KCMF1: variants seen among roughly 807,000 people sequenced by gnomAD.
KCMF1 encodes potassium channel modulatory factor 1.
KCMF1 carries 3 observed loss-of-function variants against 41.1 expected under a neutral mutation model. That is an observed-to-expected ratio of 0.07 (90% CI 0.03 to 0.19). The LOEUF is 0.19. Among genes scored for constraint, KCMF1 ranks in the 10% least tolerant of loss-of-function variants. KCMF1 has a pLI of 1.00. For synonymous variants in KCMF1, 142 were observed against 164.5 expected, an observed-to-expected ratio of 0.86 and a Z score of 1.04; for missense variants, 286 against 488.9, an observed-to-expected ratio of 0.58 and a Z score of 3.91.
At chr2:84,985,657 C>T (rs567696912) in intron 1 of KCMF1, among the ~76,000 whole-genome samples, 5 of 152,126 alleles carry the variant, frequency 3.3e-5, no homozygotes, top group East Asian at 1.9e-4. Flanking sequence ...GGTGAAACCC[C>T]GTCTCTACTA....
chr2:85,036,310 T>C lies in KCMF1; in HGVS notation c.324+1155T>C, dbSNP rs886380132. Among the ~76,000 whole-genome samples, 3 of 152,222 alleles carry C rather than the reference T, an allele frequency of 2.0e-5. No homozygotes were observed. The South Asian group carries it at 6.2e-4, about 31-fold the overall frequency. On this transcript the variant is annotated intron_variant, in intron 3 of 6. Coordinates refer to ENST00000409785, the MANE Select transcript of KCMF1 (RefSeq NM_020122.5). ...TTTATTACTATTCTTAGTTTATTCT[T>C]TTTATTCTGTAAAGTGACTTTGCTT... is the stretch of plus-strand genomic sequence containing the variant.
intron 1 of KCMF1, among the ~76,000 whole-genome samples, chr2:84,993,248 G>A (rs553602990): frequency 1.3e-5 from 2 of 151,890 alleles, no homozygotes; most frequent in South Asian, 2.1e-4. Context: ...ACCAAAGACA[G>A]TATCTTTGCT....
Position 85,054,969 on chromosome 2 carries a change from T to G in KCMF1, c.*1560T>G, listed in dbSNP as rs1480905251. ...AATGTAACCAAAAAAGAAGTCACCC[T>G]ACATGTCTGAAAAACTGTTGCTTCT... On this transcript the variant is annotated 3_prime_UTR_variant, in exon 7 of 7. Transcript: ENST00000409785. 6.6e-6 allele frequency: 1 copy of G among 152,210 alleles called. No homozygotes were observed. The highest frequency in any genetic ancestry group is 1.5e-5 in the Non-Finnish European group (1 of 68,034). The allele number at this position is 152,210 out of a possible 1,614,324, so 9.4% of individuals were successfully genotyped here. A position where few individuals can be genotyped will look rare whatever the true frequency, so the allele number is the denominator to read the frequency against.
intron 1 of KCMF1, among the ~76,000 whole-genome samples, chr2:85,026,019 C>T (rs923418300): frequency 3.3e-5 from 5 of 152,000 alleles, no homozygotes; most frequent in Non-Finnish European, 7.4e-5. Context: ...AAGACAGAGT[C>T]TCACTCTGTC....
At chr2:85,034,950 G>A (rs188394302) in intron 2 of KCMF1, 66 bp from the exon 3 acceptor site, 780 of 1,360,776 alleles carry the variant, frequency 5.7e-4, no homozygotes, top group Non-Finnish European at 6.6e-4. Flanking sequence ...TTATTGTATC[G>A]TACGATTACA....
chr2:84,988,800 C>T (rs1215297498), intron 1 of KCMF1, among the ~76,000 whole-genome samples: 1 of 152,174 alleles, frequency 6.6e-6, no homozygotes, highest in Admixed American at 6.6e-5. Flanking sequence ...AGCCATCTGA[C>T]TTTTTCTTTG....
At chr2:85,012,679 C>T (rs1458872993) in intron 1 of KCMF1, among the ~76,000 whole-genome samples, 1 of 152,200 alleles carries the variant, frequency 6.6e-6, no homozygotes, top group African/African-American at 2.4e-5. Context: ...CTAAACCAGA[C>T]ATAAACCACA....
rs1675860656 is a variant in KCMF1 at position 85,053,641 on chromosome 2, T to C, written c.*232T>C. ...GTGCAGGGGTGATCTCTGCTTCCTG[T>C]ACCTTGACATGCAAAAGGCTCTCCT... On this transcript the variant is annotated 3_prime_UTR_variant, in exon 7 of 7. Coordinates refer to ENST00000409785, the MANE Select transcript of KCMF1 (RefSeq NM_020122.5). 4.4e-6 allele frequency: 2 copies of C among 459,422 alleles called. No individual in the cohort carries two copies. The highest frequency in any genetic ancestry group is 3.9e-5 in the Admixed American group (1 of 25,906). 28.5% of individuals were successfully genotyped at this position (459,422 alleles called of 1,614,324 possible). A position where few individuals can be genotyped will look rare whatever the true frequency, so the allele number is the denominator to read the frequency against.
intron 2 of KCMF1, among the ~76,000 whole-genome samples, chr2:85,031,029 G>C (rs1675253863): frequency 6.6e-6 from 1 of 152,160 alleles, no homozygotes; most frequent in Non-Finnish European, 1.5e-5. Context: ...GTACTACACT[G>C]TCTTGATTTC....
At chr2:85,006,189 T>C (rs1402505544) in intron 1 of KCMF1, among the ~76,000 whole-genome samples, 2 of 152,048 alleles carry the variant, frequency 1.3e-5, no homozygotes, top group Non-Finnish European at 2.9e-5. Context: ...TAAAGTGTTA[T>C]ACTTATTTAT....
At chr2:85,004,992 C>T (rs956241338) in intron 1 of KCMF1, among the ~76,000 whole-genome samples, 3 of 152,032 alleles carry the variant, frequency 2.0e-5, no homozygotes, top group Middle Eastern at 3.2e-3. Context: ...CTCCAGCCTC[C>T]GCCTCCCAGG....
At chr2:85,024,050 G>A (rs1259385543) in intron 1 of KCMF1, among the ~76,000 whole-genome samples, 1 of 152,082 alleles carries the variant, frequency 6.6e-6, no homozygotes, top group Non-Finnish European at 1.5e-5. Context: ...TTTCTACTAA[G>A]CATTCATCAT....
At position 85,018,339 on chromosome 2, in the gene KCMF1, G is replaced by A. The variant is rs547812872; in HGVS notation, c.17-9550G>A. On this transcript the variant is annotated intron_variant, in intron 1 of 6. Transcript: ENST00000409785. ...AGACTGGAGTGCAGTGCGCAAACTC[G>A]GCTCACTGCAACCTCTGCCTCCCAG... is the stretch of plus-strand genomic sequence containing the variant. 4.8e-5 allele frequency among the ~76,000 whole-genome samples: 7 copies of A among 145,142 alleles called. No individual in the cohort carries two copies. In the East Asian group the frequency reaches 8.3e-4, roughly 17 times the overall value.
At chr2:85,029,005 T>TAAAA (rs1178489153) in intron 2 of KCMF1, among the ~76,000 whole-genome samples, 6 of 152,180 alleles carry the variant, frequency 3.9e-5, no homozygotes, top group African/African-American at 1.4e-4. Flanking sequence ...AGTCTCACTC[T>TAAAA]GTCGCCCACG....
At position 85,049,595 on chromosome 2, in the gene KCMF1, T is replaced by C; in HGVS notation, c.831T>C (p.Ala277=). 1.2e-6 allele frequency: 2 copies of C among 1,613,930 alleles called. No individual in the cohort carries two copies. The highest frequency in any genetic ancestry group is 2.2e-5 in the South Asian group (2 of 91,088). Residue 277 remains alanine, a synonymous_variant, in exon 6 of 7, where the codon GCT becomes GCC. Coordinates refer to ENST00000409785, the MANE Select transcript of KCMF1 (RefSeq NM_020122.5). ...ITQSTATTNI[A]NTESSQQTLQ... is the part of the protein sequence containing the mutation. ...AATCCACAGCAACAACCAACATAGC[T>C]AATACAGAAAGCAGTCAGCAGACTC...
At chr2:84,973,825 C>CTTTTTTTTTT (rs1238178193) in intron 1 of KCMF1, among the ~76,000 whole-genome samples, 17 of 110,274 alleles carry the variant, frequency 1.5e-4, no homozygotes, top group East Asian at 5.6e-4. Context: ...TTATTTCTTT[C>CTTTTTTTTTT]TTTTTTTTTT....
At chr2:85,048,786 A>G (rs917805510) in intron 5 of KCMF1, among the ~76,000 whole-genome samples, 7 of 152,232 alleles carry the variant, frequency 4.6e-5, no homozygotes, top group Non-Finnish European at 8.8e-5. Flanking sequence ...AGTGGTATCT[A>G]CTGCAGTGGT....
intron 1 of KCMF1, among the ~76,000 whole-genome samples, chr2:84,989,744 C>T (rs1458162119): frequency 2.0e-5 from 3 of 152,086 alleles, no homozygotes; most frequent in African/African-American, 7.2e-5. Context: ...GAGAAGCATG[C>T]TTTCAGGGGT....
At position 85,053,424 on chromosome 2, in the gene KCMF1, GCAGA is replaced by G. The variant is rs1574046770; in HGVS notation, c.*18_*21del. 5.6e-6 allele frequency: 9 copies of G among 1,606,180 alleles called. No individual in the cohort carries two copies. In the East Asian group the frequency reaches 2.0e-4, roughly 36 times the overall value. On this transcript the variant is annotated 3_prime_UTR_variant, in exon 7 of 7. Transcript: ENST00000409785. ...CTCCTCTTTGATGACATCCCAATTC[GCAGA>G]CAATGTCCTCTGTGCTGTATTTGCC... is the stretch of plus-strand genomic sequence containing the variant.
Sources: gnomAD v4.1 joint callset for allele counts (sites outside exome capture counted in the v4.1 genomes callset) on GRCh38, gnomAD v4.1.1 for gene constraint, MANE v1.5 for transcripts, NCBI Gene and HGNC (gene_info 2026-07-23, HGNC 2026-07-21) for gene names.